Variants in JMJD1C observed in about 807,000 individuals in gnomAD.
JMJD1C encodes jumonji domain-containing protein 1C.
JMJD1C carries 31 observed loss-of-function variants against 245.3 expected under a neutral mutation model. The ratio of observed to expected loss-of-function variants is 0.13; its 90% CI spans 0.09 to 0.17. The LOEUF (loss-of-function observed/expected upper bound fraction) is 0.17, where lower values mean the gene tolerates loss of function less well. JMJD1C is among the 10% of genes least tolerant of loss of function. JMJD1C has a pLI of 1.00. For synonymous variants in JMJD1C, 1,057 were observed against 1,017.4 expected, an observed-to-expected ratio of 1.04 and a Z score of -0.74; for missense variants, 2,691 against 3,000.2, an observed-to-expected ratio of 0.90 and a Z score of 2.41.
At chr10:63,368,948 C>A (rs560149124) in intron 2 of JMJD1C, among the ~76,000 whole-genome samples, 11 of 151,786 alleles carry the variant, frequency 7.2e-5, no homozygotes, top group Non-Finnish European at 1.6e-4. Context: ...ACGCCCAGCC[C>A]CTTATAGAAA....
At chr10:63,466,247 C>CA (rs1953274919), upstream of JMJD1C, 1 of 160,780 alleles carries the variant, frequency 6.2e-6, no homozygotes, top group African/African-American at 2.4e-5. Flanking sequence ...TTCGTTGCTC[C>CA]CTCAGAGGTG....
At chr10:63,444,305 AC>A (rs202097821) in intron 1 of JMJD1C, among the ~76,000 whole-genome samples, 2,056 of 152,194 alleles carry the variant, frequency 0.014, 35 homozygotes, top group African/African-American at 0.038. Context: ...ATAGAGTCTC[AC>A]TCTGTCACCT....
intron 1 of JMJD1C, among the ~76,000 whole-genome samples, chr10:63,459,349 AG>A (rs1952629811): frequency 2.0e-5 from 3 of 152,232 alleles, no homozygotes; most frequent in Non-Finnish European, 4.4e-5. Context: ...CAACACTGAC[AG>A]AGTATAAACT....
In JMJD1C at chr10:63,465,797, C is replaced by A; in HGVS notation, c.-135G>T. 1.9e-6 allele frequency: 2 copies of A among 1,047,854 alleles called. No homozygotes were observed. Among genetic ancestry groups the A allele is most frequent in the East Asian group, 5.1e-5 (2 of 39,154 alleles). The allele number at this position is 1,047,854 out of a possible 1,614,324, so 64.9% of individuals were successfully genotyped here. On this transcript the variant is annotated 5_prime_UTR_variant, in exon 1 of 26. Transcript: ENST00000399262. ...GACCCGAAAGAGCGCAGACTCGGGA[C>A]GAACCGGCCGCTCTGCCCCGGACAC...
chr10:63,477,473 A>G (rs1165468095), intron 1 of JMJD1C, among the ~76,000 whole-genome samples: 1 of 152,076 alleles, frequency 6.6e-6, no homozygotes, highest in Non-Finnish European at 1.5e-5. Context: ...TGATTTTTCA[A>G]TAAAGGTAAA....
intron 24 of JMJD1C, among the ~76,000 whole-genome samples, chr10:63,170,366 G>T (rs536053751): frequency 6.6e-6 from 1 of 152,178 alleles, no homozygotes; most frequent in South Asian, 2.1e-4. Context: ...CATTACAATG[G>T]GTAATCATAT....
chr10:63,315,374 TTCTC>T (rs924504723), intron 2 of JMJD1C, among the ~76,000 whole-genome samples: 5 of 152,142 alleles, frequency 3.3e-5, no homozygotes, highest in African/African-American at 9.7e-5. Context: ...CAGTATTTGG[TTCTC>T]TCTTTTTGTG....
At chr10:63,408,685 C>T (rs889788002) in intron 1 of JMJD1C, among the ~76,000 whole-genome samples, 4 of 151,020 alleles carry the variant, frequency 2.6e-5, no homozygotes, top group Admixed American at 1.3e-4. Context: ...GATGAACGGG[C>T]CATCAAGTAT....
intron 1 of JMJD1C, among the ~76,000 whole-genome samples, chr10:63,394,137 A>C (rs1348112993): frequency 1.3e-5 from 2 of 150,940 alleles, no homozygotes; most frequent in Non-Finnish European, 2.9e-5. Context: ...TAGTGAGCCG[A>C]GACTGCACCA....
chr10:63,193,005 T>C lies in JMJD1C; in HGVS notation c.6009A>G (p.Pro2003=). Residue 2003 remains proline (P), a synonymous_variant, in exon 16 of 26, where the codon CCA becomes CCG. Transcript: ENST00000399262. ...ACCAGTGCAGTGGTGACTGGGATTC[T>C]GGAGGAGTTAACTTGTTATCTGTGC... ...DVGTDNKLTP[P]ESQSPLHWLA... The C allele has an allele frequency of 6.2e-7, 1 of 1,614,210 alleles. No individual in the cohort carries two copies. Among genetic ancestry groups the C allele is most frequent in the East Asian group, 2.2e-5 (1 of 44,888 alleles).
chr10:63,385,556 G>A (rs1049875104), intron 1 of JMJD1C, among the ~76,000 whole-genome samples: 10 of 149,684 alleles, frequency 6.7e-5, no homozygotes, highest in Non-Finnish European at 1.5e-4. Flanking sequence ...TCCCACCATG[G>A]CCTCCCAAGC....
intron 2 of JMJD1C, among the ~76,000 whole-genome samples, chr10:63,320,070 T>C (rs998079967): frequency 2.4e-4 from 36 of 152,034 alleles, no homozygotes; most frequent in Admixed American, 2.3e-3. Flanking sequence ...CTGACTCAAC[T>C]AATTGTTATA....
At chr10:63,318,817 ATC>A (rs1038079349) in intron 2 of JMJD1C, among the ~76,000 whole-genome samples, 1 of 152,042 alleles carries the variant, frequency 6.6e-6, no homozygotes, top group Non-Finnish European at 1.5e-5. Flanking sequence ...CACTTCATTT[ATC>A]TCTTTCAACG....
intron 2 of JMJD1C, among the ~76,000 whole-genome samples, chr10:63,366,945 G>A (rs1347404457): frequency 1.3e-5 from 2 of 152,180 alleles, no homozygotes; most frequent in East Asian, 1.9e-4. Flanking sequence ...GCCAGATCCA[G>A]TTATAGCCAG....
chr10:63,520,012 AATT>A (rs1465945549), intron 1 of JMJD1C, among the ~76,000 whole-genome samples: 1 of 152,220 alleles, frequency 6.6e-6, no homozygotes, highest in East Asian at 1.9e-4. Context: ...GTTAAATGCA[AATT>A]ATTACTCAAA....
chr10:63,413,182 AG>A (rs1949587724), intron 1 of JMJD1C, among the ~76,000 whole-genome samples: 4 of 152,196 alleles, frequency 2.6e-5, no homozygotes, highest in Admixed American at 2.6e-4. Flanking sequence ...CATCTACAAA[AG>A]CGTATGTATA....
In JMJD1C at chr10:63,213,608, T is replaced by G; in HGVS notation, c.2559A>C (p.Ser853=). 6.2e-7 allele frequency: 1 copy of G among 1,614,192 alleles called. No individual in the cohort carries two copies. Residue 853 remains serine, a synonymous_variant, in exon 8 of 26, where the codon TCA becomes TCC. Coordinates refer to ENST00000399262, the MANE Select transcript of JMJD1C (RefSeq NM_032776.3). ...HLLGQAHPSA[S]YNQLGLYPII... is the part of the protein sequence containing the mutation. Reference sequence around the variant, plus strand: ...TTGGATAAAGTCCAAGCTGATTATATGAAGCAGAAGGATGGGCTTGTCCAA... The same window carrying G: ...TTGGATAAAGTCCAAGCTGATTATAGGAAGCAGAAGGATGGGCTTGTCCAA...
chr10:63,518,009 C>G (rs561888540), intron 1 of JMJD1C, among the ~76,000 whole-genome samples: 1 of 152,166 alleles, frequency 6.6e-6, no homozygotes, highest in African/African-American at 2.4e-5. Context: ...GCCAGGATGG[C>G]CTCGAACTCT....
At position 63,206,876 on chromosome 10, in the gene JMJD1C, A is replaced by G. The variant is rs1349105037; in HGVS notation, c.4793T>C (p.Val1598Ala). The G allele has an allele frequency of 2.5e-6, 4 of 1,608,984 alleles. No individual in the cohort carries two copies. In the African/African-American group the frequency reaches 5.4e-5, roughly 22 times the overall value. Residue 1598 changes from valine to alanine, a missense_variant, in exon 10 of 26, where the codon GTA becomes GCA. By Grantham distance (64) the Val-to-Ala change is moderately conservative. This residue lies in a region of JMJD1C where 144 missense variants were observed against 143.3 expected (regional missense o/e 1.00). Coordinates refer to ENST00000399262, the MANE Select transcript of JMJD1C (RefSeq NM_032776.3). ...TTTATCAACTATGATCTTACTATCT[A>G]CACTATTTTGTATATCACTAGATGT... Reference protein sequence around the residue: ...ASTSSDIQNSVDSKIIVDKYV... With the variant: ...ASTSSDIQNSADSKIIVDKYV...
Sources: gnomAD v4.1 joint callset for allele counts (sites outside exome capture counted in the v4.1 genomes callset) on GRCh38, gnomAD v4.1.1 for gene constraint, gnomAD v4.1.1 regional missense constraint, MANE v1.5 for transcripts, NCBI Gene and HGNC (gene_info 2026-07-23, HGNC 2026-07-21) for gene names.